Variants in TANC2 observed in about 807,000 individuals in gnomAD.
TANC2 encodes tetratricopeptide repeat, ankyrin repeat and coiled-coil containing 2, also known as protein TANC2.
A neutral mutation model predicts 210.5 loss-of-function variants in TANC2; 26 were observed. That is an observed-to-expected ratio of 0.12 (90% CI 0.09 to 0.17). The LOEUF is 0.17. TANC2 is among the 10% of genes least tolerant of loss of function. The probability of loss-of-function intolerance (pLI) is 1.00; values close to 1 mark genes in which losing one functional copy is unlikely to be tolerated. For synonymous variants in TANC2, 931 were observed against 967.1 expected (o/e 0.96, Z 0.69); for missense variants, 2,129 against 2,608.9 (o/e 0.82, Z 4.01).
intron 14 of TANC2, among the ~76,000 whole-genome samples, chr17:63,378,670 T>A (rs896539641): frequency 2.0e-5 from 3 of 152,190 alleles, no homozygotes; most frequent in African/African-American, 7.2e-5. Flanking sequence ...TTGGGATCTG[T>A]TAGCAAGGAG....
intron 8 of TANC2, among the ~76,000 whole-genome samples, chr17:63,249,927 C>T (rs2043011342): frequency 1.3e-5 from 2 of 152,128 alleles, no homozygotes; most frequent in South Asian, 4.1e-4. Flanking sequence ...CTTCCAAACT[C>T]AGTATAGAGT....
intron 9 of TANC2, among the ~76,000 whole-genome samples, chr17:63,306,587 C>T (rs948074374): frequency 1.6e-4 from 24 of 152,048 alleles, no homozygotes; most frequent in African/African-American, 4.6e-4. Context: ...GATTGTAATA[C>T]GTGATAAGAA....
chr17:63,332,167 G>A (rs1238329321), intron 11 of TANC2: 4 of 352,420 alleles, frequency 1.1e-5, no homozygotes, highest in Non-Finnish European at 1.1e-5. Flanking sequence ...TTCAAAAGTT[G>A]CAAAGCCACA....
chr17:63,057,348 A>G (rs1448372169), intron 2 of TANC2, among the ~76,000 whole-genome samples: 2 of 152,228 alleles, frequency 1.3e-5, no homozygotes, highest in African/African-American at 2.4e-5. Context: ...TACCTCTGAT[A>G]TAAGATGCCA....
chr17:63,042,968 TA>T (rs2035246706), intron 2 of TANC2, among the ~76,000 whole-genome samples: 1 of 152,074 alleles, frequency 6.6e-6, no homozygotes, highest in Admixed American at 6.5e-5. Context: ...ACAACATCCA[TA>T]GATCTGTATT....
At chr17:63,084,787 GCTAT>G (rs1331704323) in intron 3 of TANC2, among the ~76,000 whole-genome samples, 1 of 151,988 alleles carries the variant, frequency 6.6e-6, no homozygotes, top group East Asian at 1.9e-4. Flanking sequence ...GGATTTTTCA[GCTAT>G]CTTTCTGTTA....
At chr17:63,087,310 T>C (rs1436370064) in intron 3 of TANC2, among the ~76,000 whole-genome samples, 2 of 152,216 alleles carry the variant, frequency 1.3e-5, no homozygotes, top group Non-Finnish European at 2.9e-5. Context: ...AGTAATGTAG[T>C]GTTCAGGTGT....
chr17:63,110,691 G>T (rs1237158953), intron 4 of TANC2, among the ~76,000 whole-genome samples: 1 of 152,188 alleles, frequency 6.6e-6, no homozygotes, highest in African/African-American at 2.4e-5. Context: ...GCCACAAAGG[G>T]AGGAGCCTTT....
intron 9 of TANC2, among the ~76,000 whole-genome samples, chr17:63,283,806 C>T (rs959884243): frequency 1.5e-4 from 23 of 151,862 alleles, no homozygotes; most frequent in Non-Finnish European, 3.2e-4. Flanking sequence ...TATAGAAGTA[C>T]AATTGATTTT....
intron 2 of TANC2, among the ~76,000 whole-genome samples, chr17:63,061,600 CAT>C (rs2036000148): frequency 6.6e-6 from 1 of 151,856 alleles, no homozygotes; most frequent in Admixed American, 6.6e-5. Context: ...TGCATATTAA[CAT>C]AAATACATAT....
At chr17:63,155,904 A>G (rs980012345) in intron 5 of TANC2, among the ~76,000 whole-genome samples, 3 of 152,288 alleles carry the variant, frequency 2.0e-5, no homozygotes, top group East Asian at 1.9e-4. Context: ...CATTGTAAAC[A>G]AAGTGTTTTA....
At chr17:63,076,879 CGAA>C (rs1245257407) in intron 3 of TANC2, among the ~76,000 whole-genome samples, 1 of 151,874 alleles carries the variant, frequency 6.6e-6, no homozygotes, top group Non-Finnish European at 1.5e-5. Context: ...AAATAAGAAA[CGAA>C]GGAGGAGTGT....
chr17:63,056,505 C>T (rs1055207509), intron 2 of TANC2, among the ~76,000 whole-genome samples: 14 of 151,960 alleles, frequency 9.2e-5, no homozygotes, highest in Admixed American at 1.3e-4. Flanking sequence ...TAGCAAGATC[C>T]GTTCTCTACC....
At chr17:63,006,143 G>A (rs984268430) in intron 1 of TANC2, among the ~76,000 whole-genome samples, 2 of 151,922 alleles carry the variant, frequency 1.3e-5, no homozygotes, top group Non-Finnish European at 2.9e-5. Flanking sequence ...TTTCATTTCT[G>A]ATATTGGTGA....
chr17:63,382,079 C>T (rs1269158339), intron 15 of TANC2, among the ~76,000 whole-genome samples: 1 of 152,184 alleles, frequency 6.6e-6, no homozygotes, highest in Admixed American at 6.5e-5. Context: ...GCTCTTTTCT[C>T]CCGTACTTCA....
chr17:63,146,939 A>G (rs1411778143), intron 4 of TANC2, among the ~76,000 whole-genome samples: 1 of 152,106 alleles, frequency 6.6e-6, no homozygotes, highest in Non-Finnish European at 1.5e-5. Context: ...TAGACCCCAT[A>G]TGGTTAATAC....
intron 7 of TANC2, among the ~76,000 whole-genome samples, chr17:63,231,930 A>T (rs1018588259): frequency 3.3e-5 from 5 of 152,136 alleles, no homozygotes; most frequent in African/African-American, 1.2e-4. Context: ...ATAATCCCAT[A>T]GTTCCTGGAG....
chr17:63,374,186 G>A (rs2047358898), intron 14 of TANC2, among the ~76,000 whole-genome samples: 1 of 151,718 alleles, frequency 6.6e-6, no homozygotes, highest in Non-Finnish European at 1.5e-5. Context: ...ACAGGCACAC[G>A]CCAGCACAAC....
intron 3 of TANC2, among the ~76,000 whole-genome samples, chr17:63,079,558 A>G (rs2036693978): frequency 6.6e-6 from 1 of 152,302 alleles, no homozygotes; most frequent in East Asian, 1.9e-4. Context: ...AAAATATTTT[A>G]AAATTAGTAT....
Sources: gnomAD v4.1 joint callset for allele counts (sites outside exome capture counted in the v4.1 genomes callset) on GRCh38, gnomAD v4.1.1 for gene constraint, MANE v1.5 for transcripts, NCBI Gene and HGNC (gene_info 2026-07-23, HGNC 2026-07-21) for gene names.